GRK3: variants seen among roughly 807,000 people sequenced by gnomAD.
The protein encoded by GRK3 is adrenergic, beta, receptor kinase 2.
GRK3 carries 54 observed loss-of-function variants against 95.7 expected under a neutral mutation model. The observed-to-expected ratio is 0.56, with a 90% confidence interval of 0.45 to 0.71. The LOEUF (loss-of-function observed/expected upper bound fraction) is 0.71. Ranked by LOEUF, GRK3 falls within the 30% of genes least tolerant of loss-of-function variation. The probability of loss-of-function intolerance (pLI) is 0.00; values close to 1 mark genes in which losing one functional copy is unlikely to be tolerated. For missense variants in GRK3, 649 were observed against 851.2 expected (o/e 0.76, Z 2.96); for synonymous variants, 281 against 290.8 (o/e 0.97, Z 0.34).
At chr22:25,610,103 G>A (rs1269098261) in intron 2 of GRK3, among the ~76,000 whole-genome samples, 6 of 151,820 alleles carry the variant, frequency 4.0e-5, no homozygotes, top group Non-Finnish European at 1.5e-5. Context: ...CACCCACCTC[G>A]GCCTCCCAAA....
In GRK3 at chr22:25,727,047, C is replaced by T. The variant is rs2085480512; in HGVS notation, c.*4597C>T. On this transcript the variant is annotated 3_prime_UTR_variant, in exon 21 of 21. Coordinates refer to ENST00000324198, the MANE Select transcript of GRK3 (RefSeq NM_005160.4). The stretch of plus-strand genomic sequence containing the variant: ...TCAGTTGGGGACACTGTTACAAATC[C>T]ACTGAAGTCCTGGTAAAACTGTCAA... The T allele has an allele frequency of 6.6e-6, 1 of 151,976 alleles. No homozygotes were observed. Among genetic ancestry groups the T allele is most frequent in the Admixed American group, 6.6e-5 (1 of 15,236 alleles). 9.4% of individuals were successfully genotyped at this position (151,976 alleles called of 1,614,324 possible).
chr22:25,617,867 C>T (rs146917936), intron 2 of GRK3, among the ~76,000 whole-genome samples: 331 of 152,256 alleles, frequency 2.2e-3, no homozygotes, highest in Non-Finnish European at 4.0e-3. Context: ...ACCTCTGCCT[C>T]CTGGGTTCAA....
intron 12 of GRK3, among the ~76,000 whole-genome samples, chr22:25,693,531 G>A (rs903811965): frequency 6.6e-6 from 1 of 152,068 alleles, no homozygotes; most frequent in Non-Finnish European, 1.5e-5. Flanking sequence ...AATCTCCAAC[G>A]CTCTCACAGC....
intron 15 of GRK3, among the ~76,000 whole-genome samples, chr22:25,704,447 T>C (rs537046587): frequency 2.0e-5 from 3 of 152,348 alleles, no homozygotes; most frequent in Admixed American, 2.0e-4. Context: ...TCTTGCCCTG[T>C]CACCCAGGCT....
intron 3 of GRK3, among the ~76,000 whole-genome samples, chr22:25,645,060 A>G (rs1601496883): frequency 6.6e-6 from 1 of 152,138 alleles, no homozygotes; most frequent in South Asian, 2.1e-4. Context: ...TCTGGTCATA[A>G]TGGACTGACA....
chr22:25,721,183 GT>G (rs2085429720), intron 19 of GRK3, 100 bp from the exon 20 acceptor site: 1 of 565,896 alleles, frequency 1.8e-6, no homozygotes, highest in Admixed American at 3.8e-5. Context: ...AAAACCGAAT[GT>G]GTTTTCTTTT....
intron 1 of GRK3, among the ~76,000 whole-genome samples, chr22:25,582,264 A>G (rs1050801106): frequency 3.9e-5 from 6 of 152,108 alleles, no homozygotes; most frequent in Non-Finnish European, 5.9e-5. Context: ...TCCAGGTGAC[A>G]GAGCAATACC....
At chr22:25,607,317 C>G (rs1467463641) in intron 2 of GRK3, among the ~76,000 whole-genome samples, 2 of 151,932 alleles carry the variant, frequency 1.3e-5, no homozygotes, top group Admixed American at 6.6e-5. Flanking sequence ...TACTCTAATA[C>G]CGAGTTTATT....
chr22:25,678,858 A>G lies in GRK3; in HGVS notation c.690A>G (p.Lys230=). The stretch of plus-strand genomic sequence containing the variant: ...TAGATAAGAAGAGGATCAAAATGAA[A>G]CAAGGAGAAACATTAGCCTTAAATG... ...KCLDKKRIKM[K]QGETLALNER... Residue 230 remains lysine, a synonymous_variant, in exon 9 of 21, where the codon AAA becomes AAG. Coordinates refer to ENST00000324198, the MANE Select transcript of GRK3 (RefSeq NM_005160.4). 1 of 1,609,692 alleles carries G rather than the reference A, an allele frequency of 6.2e-7. No individual in the cohort carries two copies. The highest frequency in any genetic ancestry group is 1.1e-5 in the South Asian group (1 of 90,296).
intron 2 of GRK3, among the ~76,000 whole-genome samples, chr22:25,622,738 G>C (rs1011529607): frequency 6.6e-6 from 1 of 152,156 alleles, no homozygotes; most frequent in Non-Finnish European, 1.5e-5. Flanking sequence ...GACCCCTGTC[G>C]CATTTAGGAA....
At chr22:25,716,381 T>C (rs2085385056) in intron 18 of GRK3, among the ~76,000 whole-genome samples, 1 of 152,204 alleles carries the variant, frequency 6.6e-6, no homozygotes, top group Non-Finnish European at 1.5e-5. Flanking sequence ...CAATGTCGAC[T>C]TGCTCAAGGG....
At chr22:25,639,692 T>C (rs2084728951) in intron 2 of GRK3, among the ~76,000 whole-genome samples, 1 of 152,170 alleles carries the variant, frequency 6.6e-6, no homozygotes, top group South Asian at 2.1e-4. Context: ...GCTTGTCAGT[T>C]TCTTTAAAAA....
intron 13 of GRK3, among the ~76,000 whole-genome samples, chr22:25,698,766 C>A (rs995048129): frequency 6.6e-6 from 1 of 152,124 alleles, no homozygotes; most frequent in African/African-American, 2.4e-5. Flanking sequence ...AATGGAGGAA[C>A]CGAGACAGGA....
At chr22:25,647,251 C>T (rs926008415) in intron 3 of GRK3, 32 of 865,746 alleles carry the variant, frequency 3.7e-5, no homozygotes, top group Non-Finnish European at 5.2e-5. Flanking sequence ...AGCCAGAGGA[C>T]AGATTTGATA....
At chr22:25,696,562 A>C (rs2085210550) in intron 13 of GRK3, among the ~76,000 whole-genome samples, 5 of 152,174 alleles carry the variant, frequency 3.3e-5, no homozygotes, top group Admixed American at 3.3e-4. Flanking sequence ...TTTACATTAA[A>C]ATTTCCTAGT....
At chr22:25,678,379 C>A (rs915958264) in intron 8 of GRK3, among the ~76,000 whole-genome samples, 1 of 152,040 alleles carries the variant, frequency 6.6e-6, no homozygotes, top group African/African-American at 2.4e-5. Flanking sequence ...GGTGTGAACC[C>A]GGAAGGTGGA....
At chr22:25,583,570 C>A (rs1036926453) in intron 1 of GRK3, among the ~76,000 whole-genome samples, 1 of 152,052 alleles carries the variant, frequency 6.6e-6, no homozygotes, top group East Asian at 1.9e-4. Context: ...CCTGTCACCC[C>A]CTCTGGACAT....
intron 5 of GRK3, among the ~76,000 whole-genome samples, chr22:25,666,196 C>T (rs2084940745): frequency 6.6e-6 from 1 of 152,148 alleles, no homozygotes; most frequent in Non-Finnish European, 1.5e-5. Flanking sequence ...CCCAGTGACA[C>T]TCATCTTTTA....
In GRK3 at chr22:25,644,637, CT is replaced by C. The variant is rs761217535; in HGVS notation, c.237del (p.Val80TyrfsTer4). On this transcript the variant is annotated frameshift_variant, in exon 3 of 21. Coordinates refer to ENST00000324198, the MANE Select transcript of GRK3 (RefSeq NM_005160.4). LOFTEE classifies it high-confidence loss of function. ...KDFCLNEINE[A>X]VPQVKFYEEI... The stretch of plus-strand genomic sequence containing the variant: ...TTTTGTTTGAATGAAATTAATGAAG[CT>C]GTACCTCAGGTGAAGTTTTATGAAG... 1 of 1,574,962 alleles carries C rather than the reference CT, an allele frequency of 6.3e-7. No individual in the cohort carries two copies. Among genetic ancestry groups the C allele is most frequent in the South Asian group, 1.1e-5 (1 of 87,466 alleles).
Sources: gnomAD v4.1 joint callset for allele counts (sites outside exome capture counted in the v4.1 genomes callset) on GRCh38, gnomAD v4.1.1 for gene constraint, MANE v1.5 for transcripts, NCBI Gene and HGNC (gene_info 2026-07-23, HGNC 2026-07-21) for gene names.